The following C1QTNF3 variants were observed in gnomAD, a reference collection of about 807,000 sequenced individuals.
C1QTNF3 encodes the protein C1q and TNF related 3.
A neutral mutation model predicts 32.6 loss-of-function variants in C1QTNF3; 26 were observed. That is an observed-to-expected ratio of 0.80 (90% CI 0.58 to 1.11). The LOEUF (loss-of-function observed/expected upper bound fraction) is 1.11, where lower values mean the gene tolerates loss of function less well. C1QTNF3 is among the 50% of genes least tolerant of loss of function. C1QTNF3 has a pLI of 0.00. For missense variants in C1QTNF3, 362 were observed against 398.2 expected, an observed-to-expected ratio of 0.91 and a Z score of 0.77; for synonymous variants, 155 against 146.0, an observed-to-expected ratio of 1.06 and a Z score of -0.44.
At chr5:34,063,481 C>A in the C1QTNF3 span, among the ~76,000 whole-genome samples, 1 of 151,898 alleles carries the variant, frequency 6.6e-6, no homozygotes, top group African/African-American at 2.4e-5. Context: ...CAGTCTAAGG[C>A]CCTGGCCAAG....
chr5:34,115,634 G>A, the C1QTNF3 span, among the ~76,000 whole-genome samples: 48 of 152,108 alleles, frequency 3.2e-4, no homozygotes, highest in African/African-American at 1.2e-3. Context: ...GGGAGGCTGA[G>A]GCAGGAGAAT....
At chr5:34,207,795 T>C in the C1QTNF3 span, among the ~76,000 whole-genome samples, 2 of 151,940 alleles carry the variant, frequency 1.3e-5, no homozygotes, top group Non-Finnish European at 1.5e-5. Context: ...AGAAAGTTTT[T>C]TTTTTTTTTT....
the C1QTNF3 span, among the ~76,000 whole-genome samples, chr5:34,213,626 G>C: frequency 6.7e-6 from 1 of 148,890 alleles, no homozygotes; most frequent in African/African-American, 2.5e-5. Context: ...AACCATATGT[G>C]TGACTTTGGT....
At chr5:34,074,371 T>C in the C1QTNF3 span, among the ~76,000 whole-genome samples, 1 of 151,614 alleles carries the variant, frequency 6.6e-6, no homozygotes, top group Non-Finnish European at 1.5e-5. Context: ...CACTTCATAT[T>C]CATGTCTAAA....
chr5:34,101,259 AG>A, the C1QTNF3 span, among the ~76,000 whole-genome samples: 3 of 149,664 alleles, frequency 2.0e-5, no homozygotes, highest in African/African-American at 7.3e-5. Flanking sequence ...TTTTAGGTGA[AG>A]GGGGAAGATT....
chr5:34,021,067 C>G (rs184083589), intron 5 of C1QTNF3, among the ~76,000 whole-genome samples: 1 of 152,214 alleles, frequency 6.6e-6, no homozygotes, highest in Non-Finnish European at 1.5e-5. Context: ...CAACCTGGAA[C>G]AACCTTGGGC....
the C1QTNF3 span, among the ~76,000 whole-genome samples, chr5:34,142,441 A>AC: frequency 6.8e-3 from 1,022 of 151,400 alleles, 15 homozygotes; most frequent in African/African-American, 0.024. Flanking sequence ...CAAAAAAAAA[A>AC]AAAACAGAAA....
At chr5:34,031,175 C>T (rs938664722) in intron 3 of C1QTNF3, among the ~76,000 whole-genome samples, 2 of 152,178 alleles carry the variant, frequency 1.3e-5, no homozygotes, top group Admixed American at 6.5e-5. Flanking sequence ...AATCCTTCGT[C>T]CAAATGAGTC....
At chr5:34,239,696 T>G in the C1QTNF3 span, among the ~76,000 whole-genome samples, 1 of 152,170 alleles carries the variant, frequency 6.6e-6, no homozygotes, top group South Asian at 2.1e-4. Context: ...TGTAGGAGAC[T>G]TCAACACCCC....
At chr5:34,040,963 A>G (rs1784329272) in intron 1 of C1QTNF3, among the ~76,000 whole-genome samples, 1 of 152,116 alleles carries the variant, frequency 6.6e-6, no homozygotes, top group African/African-American at 2.4e-5. Flanking sequence ...ATTAAACTTA[A>G]TTTAATTAAC....
chr5:34,168,027 C>T, the C1QTNF3 span: 1 of 151,644 alleles, frequency 6.6e-6, no homozygotes, highest in Non-Finnish European at 1.5e-5. Context: ...ACTAGGAGAG[C>T]TCTCCTTTTC....
At chr5:34,108,502 A>G in the C1QTNF3 span, among the ~76,000 whole-genome samples, 2 of 152,098 alleles carry the variant, frequency 1.3e-5, no homozygotes, top group African/African-American at 2.4e-5. Flanking sequence ...AGACACTTAT[A>G]TTTTGCAGTA....
At chr5:34,176,532 A>G in the C1QTNF3 span, among the ~76,000 whole-genome samples, 1 of 152,122 alleles carries the variant, frequency 6.6e-6, no homozygotes, top group African/African-American at 2.4e-5. Context: ...AATTTTTCTT[A>G]CTTTTCCGTC....
intron 1 of C1QTNF3, among the ~76,000 whole-genome samples, chr5:34,037,952 A>T (rs954235590): frequency 6.6e-6 from 1 of 152,204 alleles, no homozygotes; most frequent in African/African-American, 2.4e-5. Context: ...ATGAATTTTA[A>T]GGATGGAGAA....
chr5:34,133,993 T>C, the C1QTNF3 span, among the ~76,000 whole-genome samples: 18 of 152,218 alleles, frequency 1.2e-4, no homozygotes, highest in African/African-American at 3.9e-4. Flanking sequence ...CTAATGTAAA[T>C]AGCTGTATGA....
chr5:34,222,487 A>G, the C1QTNF3 span, among the ~76,000 whole-genome samples: 8 of 151,818 alleles, frequency 5.3e-5, no homozygotes, highest in Admixed American at 5.3e-4. Flanking sequence ...TATTATATAT[A>G]AAATGCATAA....
chr5:34,049,207 C>T, the C1QTNF3 span, among the ~76,000 whole-genome samples: 4 of 152,108 alleles, frequency 2.6e-5, no homozygotes, highest in Non-Finnish European at 5.9e-5. Flanking sequence ...TCTATGTTCC[C>T]AGAATTAGCC....
chr5:34,047,680 T>C (rs998999479), upstream of C1QTNF3, among the ~76,000 whole-genome samples: 1 of 152,200 alleles, frequency 6.6e-6, no homozygotes, highest in African/African-American at 2.4e-5. Flanking sequence ...CTTAGTCTCT[T>C]TGATTTAAAC....
chr5:34,226,977 T>C, the C1QTNF3 span, among the ~76,000 whole-genome samples: 2 of 151,852 alleles, frequency 1.3e-5, no homozygotes, highest in African/African-American at 4.8e-5. Context: ...TATCAAGCAA[T>C]TGATTGTTTT....
Sources: allele counts gnomAD v4.1 joint callset (sites outside exome capture counted in the v4.1 genomes callset), GRCh38; gene constraint gnomAD v4.1.1; transcripts MANE v1.5; gene names NCBI Gene and HGNC (gene_info 2026-07-23, HGNC 2026-07-21).